PRKG1: variants seen among roughly 807,000 people sequenced by gnomAD.
The protein encoded by PRKG1 is protein kinase cGMP-dependent 1.
In PRKG1, 35 loss-of-function variants were observed where a neutral mutation model predicts 88.1. That is an observed-to-expected ratio of 0.40 (90% CI 0.30 to 0.53). PRKG1 has a LOEUF of 0.53. Ranked by LOEUF, PRKG1 falls within the 20% of genes least tolerant of loss-of-function variation. The pLI is 0.59. For synonymous variants in PRKG1, 303 were observed against 292.5 expected (o/e 1.04, Z -0.37); for missense variants, 540 against 839.8 (o/e 0.64, Z 4.41).
chr10:51,274,085 T>C lies in PRKG1; in HGVS notation c.478+120755T>C, dbSNP rs532399475. On this transcript the variant is annotated intron_variant, in intron 2 of 17. Transcript: ENST00000373980. ...CATTCATGTAGAGCCCAAATTTATG[T>C]CCTCCTCATATTAAATGCTCAGTGA... Among the ~76,000 whole-genome samples, 4 of 152,340 alleles carry C rather than the reference T, an allele frequency of 2.6e-5. 1 individual carries two copies. In the East Asian group the frequency reaches 7.7e-4, roughly 29 times the overall value.
At chr10:51,104,798 C>T (rs542931969) in intron 1 of PRKG1, among the ~76,000 whole-genome samples, 11 of 151,498 alleles carry the variant, frequency 7.3e-5, no homozygotes, top group Non-Finnish European at 1.2e-4. Context: ...GACACAATCT[C>T]GGCTTACTGC....
chr10:51,152,514 G>T (rs1263790430), intron 1 of PRKG1, among the ~76,000 whole-genome samples: 1 of 151,906 alleles, frequency 6.6e-6, no homozygotes, highest in Non-Finnish European at 1.5e-5. Flanking sequence ...TTTACTGAAG[G>T]TAACATTATA....
intron 3 of PRKG1, among the ~76,000 whole-genome samples, chr10:51,682,343 C>T (rs185352345): frequency 1.7e-4 from 26 of 152,284 alleles, no homozygotes; most frequent in Admixed American, 1.4e-3. Flanking sequence ...ATCTTACAGT[C>T]GGCTCCAAAA....
intron 1 of PRKG1, 112 bp downstream of exon 1, chr10:51,075,013 C>G (rs1181660898): frequency 7.2e-7 from 1 of 1,382,292 alleles, no homozygotes; most frequent in Non-Finnish European, 9.7e-7. Flanking sequence ...CTGTCCTCAT[C>G]CTCAGAAATG....
At chr10:51,181,161 C>T (rs1163344168) in intron 2 of PRKG1, among the ~76,000 whole-genome samples, 1 of 150,074 alleles carries the variant, frequency 6.7e-6, no homozygotes, top group East Asian at 1.9e-4. Context: ...AAAACGAAAT[C>T]TTCTGGTTCC....
Position 51,478,299 on chromosome 10 carries a change from G to A in PRKG1, c.592+10463G>A, listed in dbSNP as rs369261690. Among the ~76,000 whole-genome samples, 238 of 152,146 alleles carry A rather than the reference G, an allele frequency of 1.6e-3. 1 individual carries two copies. The highest frequency in any genetic ancestry group is 0.01 in the Middle Eastern group (3 of 294). Reference sequence around the variant, plus strand: ...AGATTGTATCTTAAGATGCAGCCTGGAAATTCAAGACTTGTGGTGTTCAAT... The same window carrying A: ...AGATTGTATCTTAAGATGCAGCCTGAAAATTCAAGACTTGTGGTGTTCAAT... On this transcript the variant is annotated intron_variant, in intron 3 of 17. Coordinates refer to ENST00000373980, the MANE Select transcript of PRKG1 (RefSeq NM_006258.4).
intron 3 of PRKG1, among the ~76,000 whole-genome samples, chr10:51,739,454 C>A (rs1837375595): frequency 6.6e-6 from 1 of 152,104 alleles, no homozygotes; most frequent in South Asian, 2.1e-4. Flanking sequence ...GTTATTATAA[C>A]CTCTTTGAAT....
At chr10:51,477,001 G>A (rs1261665856) in intron 3 of PRKG1, among the ~76,000 whole-genome samples, 1 of 151,970 alleles carries the variant, frequency 6.6e-6, no homozygotes, top group Non-Finnish European at 1.5e-5. Flanking sequence ...AGGCAACTGA[G>A]TTTTAAGGAG....
chr10:52,049,932 A>G lies in PRKG1; in HGVS notation c.763-4552A>G, dbSNP rs1845946253. Among the ~76,000 whole-genome samples, 6 of 152,124 alleles carry G rather than the reference A, an allele frequency of 3.9e-5. No homozygotes were observed. In the South Asian group the frequency reaches 1.2e-3, roughly 31 times the overall value. ...AAAATCTGGTGAAAAATAATCATGC[A>G]AGTCAATAAACAAGTAGAAGCCTAG... On this transcript the variant is annotated intron_variant, in intron 5 of 17. Coordinates refer to ENST00000373980, the MANE Select transcript of PRKG1 (RefSeq NM_006258.4).
chr10:51,773,838 C>G (rs1404217375), intron 3 of PRKG1, among the ~76,000 whole-genome samples: 2 of 152,064 alleles, frequency 1.3e-5, no homozygotes, highest in Non-Finnish European at 2.9e-5. Flanking sequence ...TATTACACAG[C>G]TGGTGTGATG....
rs574387474 is a variant in PRKG1 at position 51,328,184 on chromosome 10, G to A, written c.479-139539G>A. Reference sequence around the variant, plus strand: ...CCACCATTCTACTTTTTACTTTTGTGAGATAAGTTTTTTAGATTCTACATA... The same window carrying A: ...CCACCATTCTACTTTTTACTTTTGTAAGATAAGTTTTTTAGATTCTACATA... On this transcript the variant is annotated intron_variant, in intron 2 of 17. Transcript: ENST00000373980. Among the ~76,000 whole-genome samples the A allele has an allele frequency of 1.1e-3, 164 of 152,252 alleles. 4 individuals carry two copies. Among genetic ancestry groups the A allele is most frequent in the Middle Eastern group, 6.8e-3 (2 of 294 alleles).
chr10:51,674,034 G>C (rs769851225), intron 3 of PRKG1, among the ~76,000 whole-genome samples: 2 of 152,114 alleles, frequency 1.3e-5, no homozygotes, highest in African/African-American at 4.8e-5. Flanking sequence ...ATGCAGAGGG[G>C]CATATTGGAG....
chr10:51,058,102 G>A (rs191972418), intron 1 of PRKG1, among the ~76,000 whole-genome samples: 4 of 152,178 alleles, frequency 2.6e-5, no homozygotes, highest in South Asian at 4.2e-4. Context: ...GATGACTAAC[G>A]AAATGAGCAA....
chr10:51,268,601 C>G (rs1184463975), intron 2 of PRKG1, among the ~76,000 whole-genome samples: 1 of 152,148 alleles, frequency 6.6e-6, no homozygotes. Flanking sequence ...CTCTCTTGTT[C>G]CCTGTACATT....
At chr10:51,996,452 T>G (rs1008557725) in intron 5 of PRKG1, among the ~76,000 whole-genome samples, 1 of 151,348 alleles carries the variant, frequency 6.6e-6, no homozygotes. Flanking sequence ...AATAACCTGA[T>G]TAAAGAATGG....
intron 2 of PRKG1, among the ~76,000 whole-genome samples, chr10:51,361,103 T>G (rs1842470801): frequency 6.6e-6 from 1 of 151,860 alleles, no homozygotes; most frequent in African/African-American, 2.4e-5. Flanking sequence ...TAAATACAAT[T>G]CTGGCGTGTC....
intron 2 of PRKG1, among the ~76,000 whole-genome samples, chr10:51,231,220 T>A (rs1838835584): frequency 6.6e-6 from 1 of 152,170 alleles, no homozygotes; most frequent in Admixed American, 6.6e-5. Flanking sequence ...CCTGGTTACT[T>A]TCTTACTAAA....
intron 3 of PRKG1, among the ~76,000 whole-genome samples, chr10:51,528,576 A>T (rs1308431126): frequency 6.6e-6 from 1 of 151,894 alleles, no homozygotes; most frequent in Non-Finnish European, 1.5e-5. Context: ...TACAGCAAAA[A>T]AAAAAAACAA....
chr10:52,292,335 C>T (rs1372700508), intron 17 of PRKG1, among the ~76,000 whole-genome samples: 2 of 151,808 alleles, frequency 1.3e-5, no homozygotes, highest in African/African-American at 4.8e-5. Flanking sequence ...GAAGTCCTTG[C>T]CCATGCCTAT....
Sources: allele counts gnomAD v4.1 joint callset (sites outside exome capture counted in the v4.1 genomes callset), GRCh38; gene constraint gnomAD v4.1.1; transcripts MANE v1.5; gene names NCBI Gene and HGNC (gene_info 2026-07-23, HGNC 2026-07-21).